Variants in PLSCR2 observed in about 807,000 individuals in gnomAD.
PLSCR2 encodes PL scramblase 2.
A neutral mutation model predicts 25.3 loss-of-function variants in PLSCR2; 18 were observed. The observed-to-expected ratio is 0.71, with a 90% CI of 0.49 to 1.06. The LOEUF is 1.06. Among genes scored for constraint, PLSCR2 ranks in the 50% least tolerant of loss-of-function variants. The pLI is 0.00. For synonymous variants in PLSCR2, 88 were observed against 87.3 expected (o/e 1.01, Z -0.04); for missense variants, 243 against 269.5 (o/e 0.90, Z 0.69).
chr3:146,456,731 A>G (rs1343800630), intron 3 of PLSCR2, among the ~76,000 whole-genome samples: 1 of 152,220 alleles, frequency 6.6e-6, no homozygotes, highest in East Asian at 1.9e-4. Context: ...CTAAAAATAA[A>G]CTGAGTAATC....
At chr3:146,486,627 T>C (rs760079888) in intron 1 of PLSCR2, among the ~76,000 whole-genome samples, 4 of 151,936 alleles carry the variant, frequency 2.6e-5, no homozygotes, top group Non-Finnish European at 5.9e-5. Flanking sequence ...CAGGAAGAAG[T>C]TGAATCCTTG....
intron 2 of PLSCR2, among the ~76,000 whole-genome samples, chr3:146,427,427 G>C (rs1358889264): frequency 6.6e-6 from 1 of 152,168 alleles, no homozygotes; most frequent in Admixed American, 6.5e-5. Flanking sequence ...AGGAAAGGCT[G>C]TCCAGTCAAG....
chr3:146,492,955 T>G (rs2043604343), intron 1 of PLSCR2, among the ~76,000 whole-genome samples: 2 of 150,384 alleles, frequency 1.3e-5, no homozygotes, highest in Non-Finnish European at 3.0e-5. Context: ...AACATAATCA[T>G]AAATGACAAA....
intron 1 of PLSCR2, chr3:146,495,001 C>T (rs1034907575): frequency 3.9e-5 from 6 of 152,028 alleles, no homozygotes; most frequent in African/African-American, 9.7e-5. Context: ...TAGATTTATA[C>T]ATGGAAGAGC....
chr3:146,431,033 T>C (rs1332948703), downstream of PLSCR2, among the ~76,000 whole-genome samples: 1 of 152,124 alleles, frequency 6.6e-6, no homozygotes, highest in Non-Finnish European at 1.5e-5. Flanking sequence ...TCTCCTCTCC[T>C]GGGTGTTAGG....
At chr3:146,418,103 G>A (rs2039042934) in intron 2 of PLSCR2, among the ~76,000 whole-genome samples, 1 of 152,114 alleles carries the variant, frequency 6.6e-6, no homozygotes. Flanking sequence ...AAGATCTAAA[G>A]ATCCTTAATG....
At chr3:146,489,144 C>A in intron 1 of PLSCR2, among the ~76,000 whole-genome samples, 1 of 151,860 alleles carries the variant, frequency 6.6e-6, no homozygotes. Flanking sequence ...GGGAGGGGAG[C>A]AACATACACT....
At chr3:146,462,069 G>A (rs2041610756), upstream of PLSCR2, 3 of 530,306 alleles carry the variant, frequency 5.7e-6, no homozygotes, top group South Asian at 8.9e-5. Context: ...AAATAGTTCT[G>A]AAAGAGACCT....
exon 4 of PLSCR2, chr3:146,455,351 C>T (rs1403080702): frequency 2.5e-6 from 4 of 1,613,512 alleles, no homozygotes; most frequent in Non-Finnish European, 8.5e-7. Context: ...TCTAGACCGC[C>T]CACAGCAATT....
At chr3:146,396,329 T>C (rs1355033599) in intron 2 of PLSCR2, among the ~76,000 whole-genome samples, 3 of 152,164 alleles carry the variant, frequency 2.0e-5, no homozygotes, top group African/African-American at 7.2e-5. Flanking sequence ...TTTTTTTCTC[T>C]CTGTTACTTA....
intron 1 of PLSCR2, among the ~76,000 whole-genome samples, chr3:146,474,935 T>C (rs1031075243): frequency 2.0e-5 from 3 of 151,784 alleles, no homozygotes; most frequent in African/African-American, 4.8e-5. Context: ...GATTTGACTA[T>C]TGATACTTGT....
Position 146,493,772 on chromosome 3 carries a change from T to A in PLSCR2, c.-293+2123A>T, listed in dbSNP as rs1377801154. Among the ~76,000 whole-genome samples the A allele has an allele frequency of 2.1e-5, 3 of 140,822 alleles. No homozygotes were observed. The Admixed American group carries it at 2.2e-4, about 10-fold the overall frequency. 92.4% of individuals were successfully genotyped at this position (140,822 alleles called of 152,430 possible). A position where few individuals can be genotyped will look rare whatever the true frequency, so the allele number is the denominator to read the frequency against. On this transcript the variant is annotated intron_variant, in intron 1 of 8. Transcript: ENST00000336685. ...TTGATTTCTTCTTTCTGTTTTTCAG[T>A]CCAAGGTGGCGTTTTTTTTTTTTTT...
intron 2 of PLSCR2, among the ~76,000 whole-genome samples, chr3:146,413,797 G>T (rs2038925632): frequency 6.6e-6 from 1 of 152,102 alleles, no homozygotes; most frequent in Non-Finnish European, 1.5e-5. Context: ...ATTTTCCACT[G>T]ATGGCAATCT....
intron 6 of PLSCR2, among the ~76,000 whole-genome samples, chr3:146,444,397 T>G (rs957728092): frequency 6.6e-6 from 1 of 151,798 alleles, no homozygotes; most frequent in Non-Finnish European, 1.5e-5. Flanking sequence ...TGGGGTCTAT[T>G]TCTCCCTTTA....
At chr3:146,429,724 C>G (rs1359285549), downstream of PLSCR2, among the ~76,000 whole-genome samples, 1 of 152,070 alleles carries the variant, frequency 6.6e-6, no homozygotes, top group Non-Finnish European at 1.5e-5. Flanking sequence ...CTCCTGGGTT[C>G]ATGCCATTCT....
At chr3:146,393,462 A>G (rs2038165473) in intron 3 of PLSCR2, among the ~76,000 whole-genome samples, 1 of 152,134 alleles carries the variant, frequency 6.6e-6, no homozygotes, top group South Asian at 2.1e-4. Flanking sequence ...CCACTATTAT[A>G]TTAATTTTTG....
chr3:146,394,705 T>A lies in PLSCR2; in HGVS notation c.*145+1055A>T, dbSNP rs79716338. Among the ~76,000 whole-genome samples, 14 of 152,366 alleles carry A rather than the reference T, an allele frequency of 9.2e-5. No homozygotes were observed. In the East Asian group the frequency reaches 2.7e-3, roughly 29 times the overall value. ...TATATCATTGTGCTTAAATTTGCAG[T>A]TTCCAAGAGCCTATTGATGACTGAT... On this transcript the variant is annotated intron_variant and NMD_transcript_variant, in intron 3 of 3. Coordinates refer to the PLSCR2 transcript ENST00000463633.
chr3:146,445,876 C>G (rs2108280089), intron 6 of PLSCR2, among the ~76,000 whole-genome samples: 1 of 152,074 alleles, frequency 6.6e-6, no homozygotes, highest in East Asian at 1.9e-4. Flanking sequence ...TTTCAAATAT[C>G]CTGTCTTTAA....
intron 2 of PLSCR2, among the ~76,000 whole-genome samples, chr3:146,413,288 C>A (rs1459973183): frequency 6.6e-6 from 1 of 152,134 alleles, no homozygotes; most frequent in Non-Finnish European, 1.5e-5. Context: ...TTTTACTAAT[C>A]TCCTTAGTAA....
Sources: gnomAD v4.1 joint callset for allele counts (sites outside exome capture counted in the v4.1 genomes callset) on GRCh38, gnomAD v4.1.1 for gene constraint, MANE v1.5 for transcripts, NCBI Gene and HGNC (gene_info 2026-07-23, HGNC 2026-07-21) for gene names.